The following TMEM184A variants were observed in gnomAD, a reference collection of about 807,000 sequenced individuals.
TMEM184A encodes transmembrane protein 184A, also known as sexually dimorphic, expressed in male gonads 1.
A neutral mutation model predicts 39.5 loss-of-function variants in TMEM184A; 40 were observed. The ratio of observed to expected loss-of-function variants is 1.01; its 90% CI spans 0.79 to 1.32. The LOEUF (loss-of-function observed/expected upper bound fraction) is 1.32, where lower values mean the gene tolerates loss of function less well. Ranked by LOEUF, TMEM184A falls within the 40% of genes most tolerant of loss-of-function variation. The probability of loss-of-function intolerance (pLI) is 0.00; values close to 1 mark genes in which losing one functional copy is unlikely to be tolerated. For missense variants in TMEM184A, 603 were observed against 568.8 expected (o/e 1.06, Z -0.61); for synonymous variants, 280 against 252.3 (o/e 1.11, Z -1.04).
In TMEM184A at chr7:1,546,860, C is replaced by A; in HGVS notation, c.*92G>T. 6.8e-6 allele frequency: 6 copies of A among 887,804 alleles called. No individual in the cohort carries two copies. The highest frequency in any genetic ancestry group is 9.9e-6 in the Non-Finnish European group (6 of 603,546). 55.0% of individuals were successfully genotyped at this position (887,804 alleles called of 1,614,324 possible). A position where few individuals can be genotyped will look rare whatever the true frequency, so the allele number is the denominator to read the frequency against. On this transcript the variant is annotated 3_prime_UTR_variant, in exon 9 of 9. Transcript: ENST00000297477. ...AGGTGGGCTCTCAGGAGAGGCCCCA[C>A]CTTTGGCAGGAGTTGGTGGGTGGGG...
intron 8 of TMEM184A, 94 bp downstream of exon 8, chr7:1,547,648 G>T: frequency 7.5e-7 from 1 of 1,325,000 alleles, no homozygotes; most frequent in Non-Finnish European, 1.1e-6. Context: ...CAGCGAGCTG[G>T]CATTCCTGGG....
chr7:1,555,620 C>CACACGG lies in TMEM184A; in HGVS notation c.1-142_1-137dup. Reference sequence around the variant, plus strand: ...GAGCCACCCACCAGGCCGCACCCCCCACACGGACACCAGCGCCAGGCCCGG... The same window carrying CACACGG: ...GAGCCACCCACCAGGCCGCACCCCCCACACGGACACGGACACCAGCGCCAGGCCCGG... On this transcript the variant is annotated intron_variant, in intron 1 of 8. Coordinates refer to ENST00000297477, the MANE Select transcript of TMEM184A (RefSeq NM_001097620.2). The surrounding 1 kb of genome is among the most constrained non-coding windows in gnomAD (Gnocchi z 5.2). The CACACGG allele has an allele frequency of 1.4e-6, 1 of 707,806 alleles. No homozygotes were observed. Among genetic ancestry groups the CACACGG allele is most frequent in the Non-Finnish European group, 2.5e-6 (1 of 402,178 alleles). The allele number at this position is 707,806 out of a possible 1,614,324, so 43.8% of individuals were successfully genotyped here.
intron 6 of TMEM184A, 32 bp downstream of exon 6, chr7:1,549,822 C>G (rs954593264): frequency 6.4e-7 from 1 of 1,560,190 alleles, no homozygotes; most frequent in Admixed American, 1.8e-5. Context: ...GTGCCCACCT[C>G]ATGCCAGGTG....
chr7:1,549,865 G>A lies in TMEM184A; in HGVS notation c.633C>T (p.Asp211=), dbSNP rs766078681. The change falls in exon 6 of 9, where the codon GAC becomes GAT. Residue 211 remains aspartate, a synonymous_variant. Transcript: ENST00000297477. The part of the protein sequence containing the change: ...IILQAFGKYH[D]GDFNVRSGYL... Reference sequence around the variant, plus strand: ...AGCTCCCGCCTTACTTGAAGTCCCCGTCGTGGTATTTGCCAAATGCCTGGA... The same window carrying A: ...AGCTCCCGCCTTACTTGAAGTCCCCATCGTGGTATTTGCCAAATGCCTGGA... 13 of 1,607,708 alleles carry A rather than the reference G, an allele frequency of 8.1e-6. No individual in the cohort carries two copies. In the East Asian group the frequency reaches 8.9e-5, roughly 11 times the overall value.
intron 8 of TMEM184A, 32 bp from the exon 9 acceptor site, chr7:1,547,213 C>T: frequency 2.4e-6 from 3 of 1,272,536 alleles, no homozygotes; most frequent in Non-Finnish European, 1.1e-6. Context: ...GCCCCACCAT[C>T]CCCCCTGCAC....
In TMEM184A at chr7:1,549,887, TGGA is replaced by T. The variant is rs1378621037; in HGVS notation, c.608_610del (p.Leu203del). 6 of 1,611,512 alleles carry T rather than the reference TGGA, an allele frequency of 3.7e-6. No homozygotes were observed. Among genetic ancestry groups the T allele is most frequent in the Non-Finnish European group, 4.2e-6 (5 of 1,178,880 alleles). Reference sequence around the variant, plus strand: ...CCCGTCGTGGTATTTGCCAAATGCCTGGAGGATGATGGTGGTGACGGCCATGAC... The same window carrying T: ...CCCGTCGTGGTATTTGCCAAATGCCTGGATGATGGTGGTGACGGCCATGAC... On this transcript the variant is annotated inframe_deletion, in exon 6 of 9. Coordinates refer to ENST00000297477, the MANE Select transcript of TMEM184A (RefSeq NM_001097620.2).
intron 2 of TMEM184A, 32 bp from the exon 3 acceptor site, chr7:1,551,014 G>A (rs1435001799): frequency 1.3e-5 from 20 of 1,589,270 alleles, no homozygotes; most frequent in Non-Finnish European, 1.6e-5. Flanking sequence ...TGAGAGCCGG[G>A]CCCGCCTGGT....
At chr7:1,547,317 A>C in intron 8 of TMEM184A, 136 bp from the exon 9 acceptor site, 1 of 620,186 alleles carries the variant, frequency 1.6e-6, no homozygotes, top group Non-Finnish European at 2.8e-6. Context: ...GTGGCCCCAG[A>C]CCCCTGGACC....
Position 1,547,707 on chromosome 7 carries a change from C to T in TMEM184A, c.1012+35G>A, listed in dbSNP as rs541360359. On this transcript the variant is annotated intron_variant, in intron 8 of 8. Coordinates refer to ENST00000297477, the MANE Select transcript of TMEM184A (RefSeq NM_001097620.2). ...ACACGGTGCCCGGGGCAGGGCTGTG[C>T]GCTCCGGGTGCCCCAGCTGGAAGGC... The T allele has an allele frequency of 4.5e-5, 71 of 1,581,064 alleles. 1 individual carries two copies. The Middle Eastern group carries it at 5.3e-4, about 12-fold the overall frequency.
chr7:1,555,700 C>A lies in TMEM184A; in HGVS notation c.1-216G>T, dbSNP rs1245461171. ...AAGCTCACCCATCAACCACCTGCGA[C>A]CTGAGGGTCCCACCTCAATTCCCCC... On this transcript the variant is annotated intron_variant, in intron 1 of 8. Coordinates refer to ENST00000297477, the MANE Select transcript of TMEM184A (RefSeq NM_001097620.2). This position sits in a 1 kb window ranked among gnomAD's most constrained non-coding sequence, Gnocchi z 5.2. Among the ~76,000 whole-genome samples, 1 of 152,194 alleles carries A rather than the reference C, an allele frequency of 6.6e-6. No homozygotes were observed. Among genetic ancestry groups the A allele is most frequent in the Non-Finnish European group, 1.5e-5 (1 of 68,012 alleles).
Position 1,553,452 on chromosome 7 carries a change from C to T in TMEM184A, c.219+1814G>A, listed in dbSNP as rs373547329. ...ACAGGTGTGAGACACCACGCCTGAC[C>T]GATTTTCCATGTTTTCTGTGAGGAT... On this transcript the variant is annotated intron_variant, in intron 2 of 8. Coordinates refer to ENST00000297477, the MANE Select transcript of TMEM184A (RefSeq NM_001097620.2). Among the ~76,000 whole-genome samples the T allele has an allele frequency of 4.9e-4, 74 of 152,288 alleles. 1 individual carries two copies. In the South Asian group the frequency reaches 0.012, roughly 24 times the overall value.
At chr7:1,551,464 G>A (rs1309125152) in intron 2 of TMEM184A, among the ~76,000 whole-genome samples, 1 of 152,192 alleles carries the variant, frequency 6.6e-6, no homozygotes, top group African/African-American at 2.4e-5. Flanking sequence ...TTCTATGTTT[G>A]CATTTTCTAG....
In TMEM184A at chr7:1,550,289, G is replaced by A. The variant is rs764775533; in HGVS notation, c.476+16C>T. 1 of 1,611,914 alleles carries A rather than the reference G, an allele frequency of 6.2e-7. No homozygotes were observed. The highest frequency in any genetic ancestry group is 8.5e-7 in the Non-Finnish European group (1 of 1,179,198). Reference sequence around the variant, plus strand: ...CAGGTGTGTGGGGTGTGGGGGCTCTGGGGTGACGGGCTTACTTGATGGGCT... The same window carrying A: ...CAGGTGTGTGGGGTGTGGGGGCTCTAGGGTGACGGGCTTACTTGATGGGCT... On this transcript the variant is annotated intron_variant, in intron 4 of 8. Coordinates refer to ENST00000297477, the MANE Select transcript of TMEM184A (RefSeq NM_001097620.2).
Position 1,547,078 on chromosome 7 carries a change from C to T in TMEM184A, c.1116G>A (p.Gln372=), listed in dbSNP as rs375005377. The T allele has an allele frequency of 3.6e-5, 58 of 1,610,232 alleles. No individual in the cohort carries two copies. The highest frequency in any genetic ancestry group is 1.7e-4 in the Middle Eastern group (1 of 5,872). The change falls in exon 9 of 9, where the codon CAG becomes CAA. Residue 372 remains glutamine, a synonymous_variant. Transcript: ENST00000297477. Reference sequence around the variant, plus strand: ...CGTGCGTGGCCTGCTGCGTGTAGTGCTGGTAGGCGGGGGAGAAGTTGTGGA... The same window carrying T: ...CGTGCGTGGCCTGCTGCGTGTAGTGTTGGTAGGCGGGGGAGAAGTTGTGGA... ...DAIHNFSPAY[Q]HYTQQATHEA...
chr7:1,551,101 C>T, intron 2 of TMEM184A, 119 bp from the exon 3 acceptor site: 2 of 1,200,256 alleles, frequency 1.7e-6, no homozygotes, highest in Non-Finnish European at 2.2e-6. Flanking sequence ...GCCAGGTCCA[C>T]CCGGTACCCC....
chr7:1,547,365 C>T (rs1484724396), intron 8 of TMEM184A, among the ~76,000 whole-genome samples, 184 bp from the exon 9 acceptor site: 2 of 152,116 alleles, frequency 1.3e-5, no homozygotes, highest in Non-Finnish European at 2.9e-5. Flanking sequence ...GGGCCCGTCC[C>T]TGGCCAGACC....
chr7:1,546,920 G>T lies in TMEM184A; in HGVS notation c.*32C>A. The T allele has an allele frequency of 1.4e-6, 2 of 1,434,864 alleles. No homozygotes were observed. Among genetic ancestry groups the T allele is most frequent in the Non-Finnish European group, 1.9e-6 (2 of 1,080,130 alleles). The allele number at this position is 1,434,864 out of a possible 1,614,324, so 88.9% of individuals were successfully genotyped here. A position where few individuals can be genotyped will look rare whatever the true frequency, so the allele number is the denominator to read the frequency against. On this transcript the variant is annotated 3_prime_UTR_variant, in exon 9 of 9. Transcript: ENST00000297477. ...TCTTCCCCAGAGGCCTGGGCAGCCTGGGTCCCTACAGCACTGGCAGCCCAG... is the reference window on the plus strand; with the variant it reads ...TCTTCCCCAGAGGCCTGGGCAGCCTTGGTCCCTACAGCACTGGCAGCCCAG...
intron 2 of TMEM184A, among the ~76,000 whole-genome samples, chr7:1,553,980 A>C (rs1026022913): frequency 6.6e-6 from 1 of 152,074 alleles, no homozygotes. Context: ...CCGCGCACAC[A>C]CAGCCGGTTC....
In TMEM184A at chr7:1,550,205, G is replaced by T; in HGVS notation, c.477-7C>A. 6.2e-7 allele frequency: 1 copy of T among 1,606,872 alleles called. No individual in the cohort carries two copies. The highest frequency in any genetic ancestry group is 1.7e-5 in the Admixed American group (1 of 59,128). On this transcript the variant is annotated splice_polypyrimidine_tract_variant and splice_region_variant and intron_variant, in intron 4 of 8. Transcript: ENST00000297477. ...GCCGTACAAGCAGCTGGACCTGCGG[G>T]GGACGTCCCTGAGCCGGTGCGGGAG...
Sources: allele counts gnomAD v4.1 joint callset (sites outside exome capture counted in the v4.1 genomes callset), GRCh38; gene constraint gnomAD v4.1.1; non-coding constraint Gnocchi (gnomAD v3.1); transcripts MANE v1.5; gene names NCBI Gene and HGNC (gene_info 2026-07-23, HGNC 2026-07-21).